ATRNL1: variants seen among roughly 807,000 people sequenced by gnomAD.
ATRNL1 encodes attractin-like protein 1.
ATRNL1 carries 95 observed loss-of-function variants against 182.7 expected under a neutral mutation model. The ratio of observed to expected loss-of-function variants is 0.52; its 90% CI spans 0.44 to 0.62. The LOEUF is 0.62. Ranked by LOEUF, ATRNL1 falls within the 20% of genes least tolerant of loss-of-function variation. The pLI is 0.00. For missense variants in ATRNL1, 1,471 were observed against 1,679.5 expected, an observed-to-expected ratio of 0.88 and a Z score of 2.17; for synonymous variants, 576 against 568.3, an observed-to-expected ratio of 1.01 and a Z score of -0.19.
rs372720082 is a variant in ATRNL1 at position 115,743,573 on chromosome 10, T to A, written c.3903+16218T>A. On this transcript the variant is annotated intron_variant, in intron 27 of 28. Transcript: ENST00000355044. ...ATATAGAAATTATGTAGGAGCACAG[T>A]CCCTATTCTTGTGAATAACAGTTCA... Among the ~76,000 whole-genome samples, 4 of 152,224 alleles carry A rather than the reference T, an allele frequency of 2.6e-5. No individual in the cohort carries two copies. In the East Asian group the frequency reaches 7.7e-4, roughly 29 times the overall value.
intron 27 of ATRNL1, among the ~76,000 whole-genome samples, chr10:115,754,826 G>A (rs534814292): frequency 1.1e-4 from 17 of 152,202 alleles, no homozygotes; most frequent in African/African-American, 3.9e-4. Flanking sequence ...CCATTTGTTT[G>A]TTTCCTCTCT....
At chr10:115,437,212 A>G (rs1167822495) in intron 21 of ATRNL1, among the ~76,000 whole-genome samples, 2 of 152,116 alleles carry the variant, frequency 1.3e-5, no homozygotes, top group African/African-American at 4.8e-5. Flanking sequence ...ACTGAAACAC[A>G]TAGAATATAC....
intron 20 of ATRNL1, among the ~76,000 whole-genome samples, chr10:115,423,812 G>C (rs1411970644): frequency 1.3e-5 from 2 of 152,148 alleles, no homozygotes; most frequent in Admixed American, 1.3e-4. Flanking sequence ...CAAAATGTGA[G>C]ACTACTGGAA....
At chr10:115,368,971 C>A (rs1238138355) in intron 19 of ATRNL1, among the ~76,000 whole-genome samples, 1 of 152,044 alleles carries the variant, frequency 6.6e-6, no homozygotes, top group African/African-American at 2.4e-5. Context: ...GCCTTGGCCT[C>A]CCAAAGTGCT....
intron 13 of ATRNL1, among the ~76,000 whole-genome samples, chr10:115,278,194 G>T (rs959800809): frequency 6.6e-6 from 1 of 152,102 alleles, no homozygotes; most frequent in Non-Finnish European, 1.5e-5. Flanking sequence ...GGCTGTTTTC[G>T]AATTCACTGG....
intron 24 of ATRNL1, among the ~76,000 whole-genome samples, chr10:115,505,734 G>C (rs554837517): frequency 2.0e-5 from 3 of 151,934 alleles, no homozygotes; most frequent in Non-Finnish European, 4.4e-5. Context: ...AAAAAAACAT[G>C]AACGCCTTTT....
chr10:115,726,006 C>T (rs1947585444), intron 26 of ATRNL1, among the ~76,000 whole-genome samples: 1 of 152,060 alleles, frequency 6.6e-6, no homozygotes, highest in South Asian at 2.1e-4. Flanking sequence ...TTAACAGTTG[C>T]ATTATTTCTA....
chr10:115,424,909 A>G (rs1554962602), intron 20 of ATRNL1, among the ~76,000 whole-genome samples: 3 of 152,160 alleles, frequency 2.0e-5, no homozygotes, highest in African/African-American at 7.2e-5. Flanking sequence ...TTCTAAAACT[A>G]GAAAACTACC....
chr10:115,436,287 T>C (rs2061019493), intron 21 of ATRNL1, among the ~76,000 whole-genome samples: 1 of 152,150 alleles, frequency 6.6e-6, no homozygotes, highest in African/African-American at 2.4e-5. Flanking sequence ...AAAAGGTGGC[T>C]TCTGAATAGG....
chr10:115,451,570 A>C (rs1554967635), intron 21 of ATRNL1, among the ~76,000 whole-genome samples: 1 of 152,214 alleles, frequency 6.6e-6, no homozygotes, highest in African/African-American at 2.4e-5. Flanking sequence ...ATACCATCTC[A>C]TGCCAGTCAG....
At chr10:115,234,790 T>G (rs7077627) in intron 9 of ATRNL1, among the ~76,000 whole-genome samples, 1,786 of 152,132 alleles carry the variant, frequency 0.012, 35 homozygotes, top group African/African-American at 0.04. Context: ...GGTTTTGCTA[T>G]GTTGCCCTGG....
chr10:115,265,662 A>AT (rs1304374199), intron 11 of ATRNL1, among the ~76,000 whole-genome samples: 3 of 151,674 alleles, frequency 2.0e-5, no homozygotes, highest in African/African-American at 7.2e-5. Context: ...GAAGAATTAG[A>AT]TTCTCATTTT....
chr10:115,298,220 T>TATA (rs1853302335), intron 15 of ATRNL1, among the ~76,000 whole-genome samples: 1 of 152,202 alleles, frequency 6.6e-6, no homozygotes, highest in Non-Finnish European at 1.5e-5. Flanking sequence ...TCATGCACTT[T>TATA]ATAGAGATAT....
intron 28 of ATRNL1, among the ~76,000 whole-genome samples, chr10:115,917,752 G>A: frequency 6.6e-6 from 1 of 152,016 alleles, no homozygotes; most frequent in East Asian, 1.9e-4. Flanking sequence ...TCATAATAAT[G>A]CTCCAAGGAA....
chr10:115,862,330 C>T (rs565460876), intron 28 of ATRNL1, among the ~76,000 whole-genome samples: 16 of 152,250 alleles, frequency 1.1e-4, no homozygotes, highest in South Asian at 2.1e-4. Flanking sequence ...CTTTAGTCCT[C>T]GCTTTATTGC....
At chr10:115,341,846 T>C (rs897322599) in intron 19 of ATRNL1, among the ~76,000 whole-genome samples, 2 of 152,168 alleles carry the variant, frequency 1.3e-5, no homozygotes, top group Admixed American at 6.5e-5. Context: ...CTATTCTTTT[T>C]TGGTTTCCAT....
intron 8 of ATRNL1, among the ~76,000 whole-genome samples, chr10:115,186,141 A>G (rs1402211584): frequency 2.0e-5 from 3 of 152,076 alleles, no homozygotes; most frequent in Non-Finnish European, 4.4e-5. Context: ...ACAACTTAAA[A>G]CAACCCGATT....
intron 5 of ATRNL1, among the ~76,000 whole-genome samples, 190 bp downstream of exon 5, chr10:115,129,725 A>G (rs1845140762): frequency 6.6e-6 from 1 of 152,218 alleles, no homozygotes; most frequent in Non-Finnish European, 1.5e-5. Flanking sequence ...ATTAATTGGC[A>G]AAGATTTTGT....
intron 21 of ATRNL1, among the ~76,000 whole-genome samples, chr10:115,452,085 C>T (rs1240152460): frequency 2.6e-5 from 4 of 152,044 alleles, no homozygotes; most frequent in African/African-American, 9.7e-5. Context: ...AAGAAGGATA[C>T]AACAGACACG....
Sources: gnomAD v4.1 joint callset for allele counts (sites outside exome capture counted in the v4.1 genomes callset) on GRCh38, gnomAD v4.1.1 for gene constraint, MANE v1.5 for transcripts, NCBI Gene and HGNC (gene_info 2026-07-23, HGNC 2026-07-21) for gene names.